Variants in MTFR1 observed in about 807,000 individuals in gnomAD.
MTFR1 encodes the protein chondrocyte protein with a poly-proline region.
In MTFR1, 28 loss-of-function variants were observed where a neutral mutation model predicts 38.8. The ratio of observed to expected loss-of-function variants is 0.72; its 90% CI spans 0.53 to 0.99. The LOEUF (loss-of-function observed/expected upper bound fraction) is 0.99. Among genes scored for constraint, MTFR1 ranks in the 50% least tolerant of loss-of-function variants. The pLI is 0.00. For missense variants in MTFR1, 358 were observed against 395.5 expected (o/e 0.91, Z 0.81); for synonymous variants, 145 against 137.0 (o/e 1.06, Z -0.41).
intron 3 of MTFR1, among the ~76,000 whole-genome samples, chr8:65,687,077 C>G (rs1371986427): frequency 6.6e-6 from 1 of 152,180 alleles, no homozygotes; most frequent in Non-Finnish European, 1.5e-5. Flanking sequence ...CCTCTGGTGG[C>G]TTTGTTCTCT....
intron 2 of MTFR1, 31 bp downstream of exon 2, chr8:65,670,049 C>T (rs565326753): frequency 2.5e-5 from 38 of 1,545,546 alleles, no homozygotes; most frequent in South Asian, 8.6e-5. Flanking sequence ...TTTTAAATCC[C>T]GACATTTAGA....
At chr8:65,687,181 G>A (rs553310844) in intron 3 of MTFR1, among the ~76,000 whole-genome samples, 1 of 152,098 alleles carries the variant, frequency 6.6e-6, no homozygotes, top group East Asian at 1.9e-4. Context: ...TTACAACATG[G>A]TGACTATAGT....
intron 3 of MTFR1, among the ~76,000 whole-genome samples, chr8:65,733,891 A>T (rs1237781373): frequency 6.6e-6 from 1 of 152,162 alleles, no homozygotes; most frequent in Admixed American, 6.5e-5. Flanking sequence ...CAGAACTAAG[A>T]TCTAGGGAGA....
chr8:65,719,293 T>C lies in MTFR1; in HGVS notation c.382-87T>C, dbSNP rs763468144. ...TTTGTCCCACTGGTTCTGGGGGTTA[T>C]GATAACCGATTTTCCTGAGGTAATA... is the stretch of plus-strand genomic sequence containing the variant. On this transcript the variant is annotated intron_variant, in intron 2 of 3. Transcript: ENST00000521247. The C allele has an allele frequency of 4.3e-6, 7 of 1,612,180 alleles. No homozygotes were observed. The East Asian group carries it at 1.3e-4, about 31-fold the overall frequency.
intron 2 of MTFR1, among the ~76,000 whole-genome samples, chr8:65,674,469 G>A (rs912711199): frequency 2.6e-5 from 4 of 151,506 alleles, no homozygotes; most frequent in Admixed American, 6.6e-5. Flanking sequence ...AAAATTAGCC[G>A]GGCATGGTGG....
intron 5 of MTFR1, 107 bp downstream of exon 5, chr8:65,705,036 C>T: frequency 1.0e-6 from 1 of 996,258 alleles, no homozygotes; most frequent in South Asian, 1.6e-5. Flanking sequence ...CTTAGAAAAC[C>T]AGGTGTCATC....
At chr8:65,645,111 C>T (rs1294803833) in intron 1 of MTFR1, among the ~76,000 whole-genome samples, 2 of 152,200 alleles carry the variant, frequency 1.3e-5, no homozygotes, top group East Asian at 3.9e-4. Flanking sequence ...TTCGGTCCAT[C>T]TTTCGGACCC....
In MTFR1 at chr8:65,709,818, A is replaced by G; in HGVS notation, c.*774A>G. 6.6e-6 allele frequency: 1 copy of G among 152,666 alleles called. No homozygotes were observed. The highest frequency in any genetic ancestry group is 1.9e-4 in the East Asian group (1 of 5,202). The allele number at this position is 152,666 out of a possible 1,614,324, so 9.5% of individuals were successfully genotyped here. A position where few individuals can be genotyped will look rare whatever the true frequency, so the allele number is the denominator to read the frequency against. On this transcript the variant is annotated 3_prime_UTR_variant, in exon 8 of 8. Transcript: ENST00000262146. Reference sequence around the variant, plus strand: ...TCTTCTTAAGAAGTAAAAACTCAGAATGTACCATCTTGTTTCCTTTCAGTT... The same window carrying G: ...TCTTCTTAAGAAGTAAAAACTCAGAGTGTACCATCTTGTTTCCTTTCAGTT...
chr8:65,713,913 C>T (rs1046064836), downstream of MTFR1, among the ~76,000 whole-genome samples: 2 of 152,032 alleles, frequency 1.3e-5, no homozygotes, highest in Non-Finnish European at 2.9e-5. Flanking sequence ...GTCTCGAACT[C>T]CTGACGTGAG....
intron 1 of MTFR1, among the ~76,000 whole-genome samples, chr8:65,656,478 C>T (rs972395920): frequency 1.3e-5 from 2 of 150,852 alleles, no homozygotes; most frequent in African/African-American, 4.9e-5. Context: ...GGACTACAGG[C>T]ATGTACCACC....
intron 2 of MTFR1, chr8:65,718,999 G>A (rs1042206703): frequency 1.7e-5 from 7 of 420,420 alleles, no homozygotes; most frequent in Admixed American, 7.3e-5. Flanking sequence ...TGAAAAAGTC[G>A]TGGCACATAT....
At chr8:65,648,192 A>AT (rs1809015890) in intron 1 of MTFR1, among the ~76,000 whole-genome samples, 2 of 151,582 alleles carry the variant, frequency 1.3e-5, no homozygotes, top group African/African-American at 2.4e-5. Flanking sequence ...AATTTTTTCT[A>AT]TTTTTTAGTA....
intron 3 of MTFR1, chr8:65,721,825 G>T (rs1158241274): frequency 1.4e-5 from 2 of 141,016 alleles, no homozygotes; most frequent in Non-Finnish European, 3.0e-5. Flanking sequence ...TTTTGAGATG[G>T]AGTGATGGAG....
Position 65,679,074 on chromosome 8 carries a change from T to C in MTFR1, c.67-3279T>C, listed in dbSNP as rs531260377. On this transcript the variant is annotated intron_variant, in intron 2 of 7. Coordinates refer to ENST00000262146, the MANE Select transcript of MTFR1 (RefSeq NM_014637.4). ...GGCAAATCCTTTCTAAATTTTTCTTTGTGAGCTTTTTGTCCTCTTCATCTC... is the reference window on the plus strand; with the variant it reads ...GGCAAATCCTTTCTAAATTTTTCTTCGTGAGCTTTTTGTCCTCTTCATCTC... Among the ~76,000 whole-genome samples the C allele has an allele frequency of 1.2e-4, 18 of 152,348 alleles. 1 individual carries two copies. The South Asian group carries it at 1.9e-3, about 16-fold the overall frequency.
At chr8:65,644,594 G>T (rs199726531), upstream of MTFR1, 1 of 152,396 alleles carries the variant, frequency 6.6e-6, no homozygotes, top group East Asian at 1.9e-4. Context: ...ACTCTCAGCA[G>T]CCGGCTTGCG....
At chr8:65,646,138 C>T (rs75861476) in intron 1 of MTFR1, among the ~76,000 whole-genome samples, 2,438 of 152,156 alleles carry the variant, frequency 0.016, 73 homozygotes, top group African/African-American at 0.053. Context: ...TTCTATTTGT[C>T]GAGTTCTTAG....
intron 3 of MTFR1, chr8:65,734,642 C>T (rs1262466520): frequency 1.8e-6 from 1 of 566,920 alleles, no homozygotes; most frequent in East Asian, 2.9e-5. Flanking sequence ...TGAAACACAG[C>T]CAGATTCAGA....
rs1809064243 is a variant in MTFR1 at position 65,649,677 on chromosome 8, A to G, written c.-81+4893A>G. ...CAATTATACTTTTAGTTATTTTTTAATGTACAATAAATTATTGTTGGCTAT... is the reference window on the plus strand; with the variant it reads ...CAATTATACTTTTAGTTATTTTTTAGTGTACAATAAATTATTGTTGGCTAT... On this transcript the variant is annotated intron_variant, in intron 1 of 7. Coordinates refer to ENST00000262146, the MANE Select transcript of MTFR1 (RefSeq NM_014637.4). Among the ~76,000 whole-genome samples the G allele has an allele frequency of 2.0e-5, 3 of 152,048 alleles. No homozygotes were observed. In the South Asian group the frequency reaches 6.2e-4, roughly 32 times the overall value.
chr8:65,673,603 A>T (rs1328722468), intron 2 of MTFR1, among the ~76,000 whole-genome samples: 2 of 142,924 alleles, frequency 1.4e-5, no homozygotes, highest in Non-Finnish European at 3.0e-5. Context: ...TTAAAGTATA[A>T]TTAAAAAAAA....
Sources: allele counts gnomAD v4.1 joint callset (sites outside exome capture counted in the v4.1 genomes callset), GRCh38; gene constraint gnomAD v4.1.1; transcripts MANE v1.5; gene names NCBI Gene and HGNC (gene_info 2026-07-23, HGNC 2026-07-21).